The following MAP2 variants were observed in gnomAD, a reference collection of about 807,000 sequenced individuals.
MAP2 encodes the protein microtubule-associated protein 2.
Under a neutral mutation model 137.6 loss-of-function variants are expected in MAP2, and 14 were observed. The ratio of observed to expected loss-of-function variants is 0.10; its 90% confidence interval spans 0.07 to 0.16. The LOEUF is 0.16. Among genes scored for constraint, MAP2 ranks in the 10% least tolerant of loss-of-function variants. MAP2 has a pLI of 1.00. For synonymous variants in MAP2, 786 were observed against 782.3 expected (o/e 1.00, Z -0.08); for missense variants, 2,088 against 2,191.5 (o/e 0.95, Z 0.94).
intron 3 of MAP2, among the ~76,000 whole-genome samples, chr2:209,593,619 CAA>C (rs781329429): frequency 0.016 from 48 of 2,926 alleles, 2 homozygotes; most frequent in East Asian, 0.04. Context: ...CCTGTCTCTA[CAA>C]AAAAAAAAAA....
intron 4 of MAP2, among the ~76,000 whole-genome samples, chr2:209,644,535 C>A (rs1357214072): frequency 1.3e-5 from 2 of 151,946 alleles, no homozygotes; most frequent in East Asian, 3.9e-4. Context: ...TCTGTGTTTA[C>A]CCTGAGGTAG....
At chr2:209,494,616 A>G (rs1346641073) in intron 1 of MAP2, among the ~76,000 whole-genome samples, 3 of 152,168 alleles carry the variant, frequency 2.0e-5, no homozygotes, top group Non-Finnish European at 4.4e-5. Context: ...CCTTGTTAGG[A>G]TATAATCGAG....
chr2:209,500,916 A>G (rs1312670458), intron 1 of MAP2, among the ~76,000 whole-genome samples: 2 of 151,780 alleles, frequency 1.3e-5, no homozygotes, highest in Non-Finnish European at 2.9e-5. Flanking sequence ...GCATGCCTCT[A>G]GTCCCAGCAA....
chr2:209,675,996 T>C (rs2051216364), intron 5 of MAP2, among the ~76,000 whole-genome samples: 1 of 151,892 alleles, frequency 6.6e-6, no homozygotes. Flanking sequence ...GTAAATATTA[T>C]GAACAAAACC....
chr2:209,473,713 A>G (rs1192317958), intron 1 of MAP2, among the ~76,000 whole-genome samples: 1 of 152,102 alleles, frequency 6.6e-6, no homozygotes, highest in Non-Finnish European at 1.5e-5. Context: ...TGAAGTGTTT[A>G]TGAGACTAGT....
At chr2:209,718,624 G>C (rs1416048898) in intron 13 of MAP2, among the ~76,000 whole-genome samples, 1 of 152,054 alleles carries the variant, frequency 6.6e-6, no homozygotes. Context: ...TTTCAGTGTG[G>C]TTCTACTTTC....
At chr2:209,518,360 A>AT (rs1177265127) in intron 2 of MAP2, among the ~76,000 whole-genome samples, 2 of 152,076 alleles carry the variant, frequency 1.3e-5, no homozygotes, top group African/African-American at 2.4e-5. Flanking sequence ...GAAGGGCTGA[A>AT]TTTTTTAAAA....
chr2:209,509,604 T>A (rs2150232527), intron 2 of MAP2, among the ~76,000 whole-genome samples: 1 of 152,090 alleles, frequency 6.6e-6, no homozygotes, highest in South Asian at 2.1e-4. Flanking sequence ...AAAACTATAT[T>A]AACTCACTAG....
rs867314213 is a variant in MAP2 at position 209,552,815 on chromosome 2, C to A, written c.-171-27221C>A. On this transcript the variant is annotated intron_variant, in intron 2 of 15. Coordinates refer to ENST00000682079, the MANE Select transcript of MAP2 (RefSeq NM_001375505.1). ...GGCAGGGGTTGTGCTGAGCCAAGATCGCGCCACTGCACTCCAGCTTGGGCA... is the reference window on the plus strand; with the variant it reads ...GGCAGGGGTTGTGCTGAGCCAAGATAGCGCCACTGCACTCCAGCTTGGGCA... Among the ~76,000 whole-genome samples, 5 of 151,876 alleles carry A rather than the reference C, an allele frequency of 3.3e-5. No homozygotes were observed. The South Asian group carries it at 8.3e-4, about 25-fold the overall frequency.
At chr2:209,592,384 C>G (rs1412385041) in intron 3 of MAP2, among the ~76,000 whole-genome samples, 2 of 152,288 alleles carry the variant, frequency 1.3e-5, no homozygotes, top group East Asian at 3.9e-4. Context: ...AGGCTATATT[C>G]GTGTCTCCCA....
At chr2:209,567,675 A>G (rs557392368) in intron 2 of MAP2, among the ~76,000 whole-genome samples, 138 of 152,214 alleles carry the variant, frequency 9.1e-4, no homozygotes, top group Non-Finnish European at 1.6e-3. Flanking sequence ...TAGTAGCAAA[A>G]GGAAAAAAAA....
intron 4 of MAP2, among the ~76,000 whole-genome samples, chr2:209,648,381 G>A (rs965649786): frequency 6.6e-6 from 1 of 152,056 alleles, no homozygotes; most frequent in Non-Finnish European, 1.5e-5. Flanking sequence ...TTACAGGCGT[G>A]AGCCACCGGT....
chr2:209,466,179 A>T (rs1704083984), intron 1 of MAP2, among the ~76,000 whole-genome samples: 1 of 152,226 alleles, frequency 6.6e-6, no homozygotes, highest in African/African-American at 2.4e-5. Flanking sequence ...AAAATTTGAG[A>T]GTAAAATTTG....
rs1046301674 is a variant in MAP2 at position 209,678,757 on chromosome 2, C to A, written c.376+72C>A. ...GATCACAGGATAAAGTCTTCATGTT[C>A]AAAAGATAGGCCATATCTTGTACTT... On this transcript the variant is annotated intron_variant, in intron 6 of 15. Transcript: ENST00000682079. The A allele has an allele frequency of 1.8e-4, 153 of 828,564 alleles. 2 individuals carry two copies. The South Asian group carries it at 2.9e-3, about 16-fold the overall frequency. 51.3% of individuals were successfully genotyped at this position (828,564 alleles called of 1,614,324 possible).
chr2:209,434,348 G>A (rs924231233), intron 1 of MAP2, among the ~76,000 whole-genome samples: 1 of 151,512 alleles, frequency 6.6e-6, no homozygotes, highest in African/African-American at 2.4e-5. Flanking sequence ...GATAGTTACT[G>A]GACATTTCCA....
intron 2 of MAP2, among the ~76,000 whole-genome samples, chr2:209,554,970 T>A (rs2070208009): frequency 6.7e-6 from 1 of 148,468 alleles, no homozygotes; most frequent in African/African-American, 2.4e-5. Flanking sequence ...TATATATATA[T>A]AATTTACTTT....
intron 3 of MAP2, among the ~76,000 whole-genome samples, chr2:209,602,045 C>T (rs1472811632): frequency 6.6e-6 from 1 of 152,182 alleles, no homozygotes; most frequent in African/African-American, 2.4e-5. Flanking sequence ...AATTTATGCA[C>T]ACCTGACTCA....
intron 1 of MAP2, among the ~76,000 whole-genome samples, chr2:209,437,975 C>G (rs1696762992): frequency 6.6e-6 from 1 of 151,488 alleles, no homozygotes; most frequent in African/African-American, 2.4e-5. Flanking sequence ...GAGTGATGAG[C>G]CATAGGTATA....
At chr2:209,470,400 A>G (rs1705356275) in intron 1 of MAP2, among the ~76,000 whole-genome samples, 1 of 151,816 alleles carries the variant, frequency 6.6e-6, no homozygotes, top group Admixed American at 6.6e-5. Context: ...AATTACGCAT[A>G]CATCTCCCCT....
Sources: gnomAD v4.1 joint callset for allele counts (sites outside exome capture counted in the v4.1 genomes callset) on GRCh38, gnomAD v4.1.1 for gene constraint, MANE v1.5 for transcripts, NCBI Gene and HGNC (gene_info 2026-07-23, HGNC 2026-07-21) for gene names.